The following GALNT13 variants were observed in gnomAD, a reference collection of about 807,000 sequenced individuals.
GALNT13 encodes the protein UDP-GalNAc:polypeptide N-acetylgalactosaminyltransferase 13.
A neutral mutation model predicts 64.2 loss-of-function variants in GALNT13; 28 were observed. The observed-to-expected ratio is 0.44, with a 90% CI of 0.32 to 0.60. The LOEUF (loss-of-function observed/expected upper bound fraction) is 0.60. Ranked by LOEUF, GALNT13 falls within the 20% of genes least tolerant of loss-of-function variation. The pLI, the probability that GALNT13 is intolerant of heterozygous loss-of-function variation, is 0.05. For synonymous variants in GALNT13, 214 were observed against 224.6 expected (o/e 0.95, Z 0.42); for missense variants, 577 against 669.8 (o/e 0.86, Z 1.53).
the GALNT13 span, among the ~76,000 whole-genome samples, chr2:153,585,481 G>C: frequency 6.6e-6 from 1 of 152,244 alleles, no homozygotes; most frequent in East Asian, 1.9e-4. Context: ...GGTGTGAAGA[G>C]AGGTTAAAAG....
At chr2:153,692,068 A>G in the GALNT13 span, among the ~76,000 whole-genome samples, 1 of 152,208 alleles carries the variant, frequency 6.6e-6, no homozygotes, top group South Asian at 2.1e-4. Context: ...AACAATCTAT[A>G]TCTCCACACA....
At chr2:153,419,339 G>A in the GALNT13 span, among the ~76,000 whole-genome samples, 1 of 152,164 alleles carries the variant, frequency 6.6e-6, no homozygotes, top group African/African-American at 2.4e-5. Flanking sequence ...CATGACACGT[G>A]GGGATTATGG....
the GALNT13 span, among the ~76,000 whole-genome samples, chr2:153,657,244 G>A: frequency 1.3e-5 from 2 of 152,044 alleles, no homozygotes; most frequent in East Asian, 1.9e-4. Context: ...AATGGGGGAC[G>A]TTATTTACAG....
intron 3 of GALNT13, among the ~76,000 whole-genome samples, chr2:154,105,323 C>T (rs541463346): frequency 7.2e-5 from 11 of 152,264 alleles, no homozygotes; most frequent in Non-Finnish European, 1.0e-4. Flanking sequence ...AAGGACATTT[C>T]AGTCAAGAAT....
At chr2:153,663,980 G>A in the GALNT13 span, among the ~76,000 whole-genome samples, 1 of 152,172 alleles carries the variant, frequency 6.6e-6, no homozygotes. Flanking sequence ...TAGAGAGTAA[G>A]TCACAAAGAT....
chr2:153,831,584 C>T, the GALNT13 span, among the ~76,000 whole-genome samples: 1 of 151,806 alleles, frequency 6.6e-6, no homozygotes, highest in South Asian at 2.1e-4. Flanking sequence ...AACCCAGCAC[C>T]GTTGCCAATG....
the GALNT13 span, among the ~76,000 whole-genome samples, chr2:153,777,661 G>T: frequency 2.6e-5 from 4 of 152,110 alleles, no homozygotes; most frequent in African/African-American, 7.2e-5. Context: ...GTGCAATGGG[G>T]GTGTGGCTTG....
chr2:154,344,591 G>A (rs996600559), intron 9 of GALNT13, among the ~76,000 whole-genome samples: 10 of 151,918 alleles, frequency 6.6e-5, no homozygotes, highest in African/African-American at 2.2e-4. Flanking sequence ...AGCTCAAGGT[G>A]GTTTAATAAT....
chr2:153,075,762 T>C, the GALNT13 span, among the ~76,000 whole-genome samples: 1 of 152,162 alleles, frequency 6.6e-6, no homozygotes, highest in Non-Finnish European at 1.5e-5. Flanking sequence ...TCTCCCTCTT[T>C]TATAGGTAAC....
chr2:153,581,103 G>A, the GALNT13 span, among the ~76,000 whole-genome samples: 1 of 152,052 alleles, frequency 6.6e-6, no homozygotes, highest in Non-Finnish European at 1.5e-5. Flanking sequence ...CTTATATCCT[G>A]TCTTCATGTC....
intron 3 of GALNT13, among the ~76,000 whole-genome samples, chr2:153,999,999 G>A (rs1285274125): frequency 3.3e-5 from 5 of 151,924 alleles, no homozygotes; most frequent in African/African-American, 1.2e-4. Context: ...CTTGTTATTT[G>A]TTATTAATTG....
chr2:153,762,557 G>A, the GALNT13 span: 1 of 184,914 alleles, frequency 5.4e-6, no homozygotes. Context: ...GGTACTTCAA[G>A]GCCAGTTTCC....
chr2:154,118,576 G>GT (rs79380491), intron 3 of GALNT13, among the ~76,000 whole-genome samples: 108 of 147,032 alleles, frequency 7.3e-4, no homozygotes, highest in Middle Eastern at 7.2e-3. Context: ...TGTTTTGTAG[G>GT]TTTTTTTTTT....
At chr2:153,910,981 C>G (rs1688898257) in intron 2 of GALNT13, among the ~76,000 whole-genome samples, 1 of 152,182 alleles carries the variant, frequency 6.6e-6, no homozygotes, top group Non-Finnish European at 1.5e-5. Flanking sequence ...TCTTTGCTAA[C>G]TTTCCGCCTT....
the GALNT13 span, among the ~76,000 whole-genome samples, chr2:153,099,189 C>G: frequency 6.6e-6 from 1 of 152,234 alleles, no homozygotes; most frequent in East Asian, 1.9e-4. Flanking sequence ...TCATTTTAAA[C>G]ATGATAAAAT....
the GALNT13 span, among the ~76,000 whole-genome samples, chr2:153,086,696 GTATTT>G: frequency 1.1e-4 from 17 of 150,506 alleles, no homozygotes; most frequent in African/African-American, 2.7e-4. Context: ...CTATTCCTAA[GTATTT>G]TATTTTATTT....
chr2:154,238,488 A>G (rs1212510908), intron 4 of GALNT13, among the ~76,000 whole-genome samples: 3 of 152,046 alleles, frequency 2.0e-5, no homozygotes, highest in Non-Finnish European at 2.9e-5. Flanking sequence ...AGATAAAATC[A>G]TATCTTCCCA....
At chr2:153,497,522 A>ATTCTTTTT in the GALNT13 span, among the ~76,000 whole-genome samples, 1 of 36,896 alleles carries the variant, frequency 2.7e-5, no homozygotes, top group Non-Finnish European at 4.8e-5. Flanking sequence ...TTTCTCCCGC[A>ATTCTTTTT]TTTTTTTTTT....
the GALNT13 span, among the ~76,000 whole-genome samples, chr2:153,561,334 T>A: frequency 1.3e-5 from 2 of 152,178 alleles, no homozygotes; most frequent in East Asian, 3.9e-4. Flanking sequence ...CAGATTTCAT[T>A]TTTTTCTGGT....
Sources: allele counts gnomAD v4.1 joint callset (sites outside exome capture counted in the v4.1 genomes callset), GRCh38; gene constraint gnomAD v4.1.1; transcripts MANE v1.5; gene names NCBI Gene and HGNC (gene_info 2026-07-23, HGNC 2026-07-21).